The following PCDH15 variants were observed in gnomAD, a reference collection of about 807,000 sequenced individuals.
PCDH15 encodes the protein protocadherin-15.
A neutral mutation model predicts 178.5 loss-of-function variants in PCDH15; 129 were observed. The ratio of observed to expected loss-of-function variants is 0.72; its 90% CI spans 0.63 to 0.84. PCDH15 has a LOEUF of 0.84. Ranked by LOEUF, PCDH15 falls within the 40% of genes least tolerant of loss-of-function variation. The pLI, the probability that PCDH15 is intolerant of heterozygous loss-of-function variation, is 0.00. For synonymous variants in PCDH15, 800 were observed against 732.0 expected (o/e 1.09, Z -1.50); for missense variants, 2,230 against 2,099.9 (o/e 1.06, Z -1.21).
chr10:55,199,521 G>A (rs972474924), intron 1 of PCDH15, among the ~76,000 whole-genome samples: 2 of 151,908 alleles, frequency 1.3e-5, no homozygotes, highest in Admixed American at 6.6e-5. Context: ...GCCTGACCAC[G>A]TGGAAGAAAA....
At chr10:55,557,538 C>T (rs1315318259) in intron 2 of PCDH15, among the ~76,000 whole-genome samples, 7 of 152,042 alleles carry the variant, frequency 4.6e-5, no homozygotes, top group Non-Finnish European at 1.0e-4. Context: ...CTGCATGAGA[C>T]GATAGCCCCC....
intron 2 of PCDH15, among the ~76,000 whole-genome samples, chr10:55,439,412 C>T (rs796529384): frequency 5.3e-5 from 8 of 151,806 alleles, no homozygotes; most frequent in Admixed American, 1.3e-4. Flanking sequence ...TAACATTGTG[C>T]GCAAGAGCCA....
intron 1 of PCDH15, among the ~76,000 whole-genome samples, chr10:55,190,514 A>G (rs551414155): frequency 9.9e-5 from 15 of 151,868 alleles, no homozygotes; most frequent in Non-Finnish European, 1.8e-4. Flanking sequence ...GGTCAAAATA[A>G]GTGTTATTTA....
Position 55,431,766 on chromosome 10 carries a change from A to T in PCDH15, c.-156+195859T>A, listed in dbSNP as rs564905836. 7.2e-5 allele frequency among the ~76,000 whole-genome samples: 11 copies of T among 152,236 alleles called. No homozygotes were observed. The South Asian group carries it at 2.3e-3, about 32-fold the overall frequency. Reference sequence around the variant, plus strand: ...TATTTCATGTATCCAAAAAGGAATGACAATAATACTCATAAATTTGAAACC... The same window carrying T: ...TATTTCATGTATCCAAAAAGGAATGTCAATAATACTCATAAATTTGAAACC... On this transcript the variant is annotated intron_variant, in intron 2 of 5. Coordinates refer to the PCDH15 transcript ENST00000613346.
At chr10:54,612,126 A>T (rs1478660770) in intron 2 of PCDH15, among the ~76,000 whole-genome samples, 1 of 151,818 alleles carries the variant, frequency 6.6e-6, no homozygotes, top group Non-Finnish European at 1.5e-5. Context: ...TCACTTTTTA[A>T]ACAGAGTTGA....
chr10:53,924,737 C>T (rs1057226024), intron 25 of PCDH15, among the ~76,000 whole-genome samples: 2 of 152,178 alleles, frequency 1.3e-5, no homozygotes, highest in African/African-American at 4.8e-5. Flanking sequence ...TTTGTAAATG[C>T]ACCAATCAAC....
intron 2 of PCDH15, among the ~76,000 whole-genome samples, chr10:54,532,729 T>C (rs1056344877): frequency 6.6e-6 from 1 of 152,022 alleles, no homozygotes; most frequent in African/African-American, 2.4e-5. Flanking sequence ...TTGAATGACA[T>C]TGTTTCATTC....
At chr10:55,313,539 T>A (rs1193645007) in intron 1 of PCDH15, among the ~76,000 whole-genome samples, 2 of 152,210 alleles carry the variant, frequency 1.3e-5, no homozygotes, top group Non-Finnish European at 2.9e-5. Flanking sequence ...TGTAATGTTT[T>A]AAAGTTGACC....
At chr10:54,312,628 G>GA (rs1431548272) in intron 8 of PCDH15, among the ~76,000 whole-genome samples, 1 of 152,054 alleles carries the variant, frequency 6.6e-6, no homozygotes, top group Non-Finnish European at 1.5e-5. Flanking sequence ...TCAGTGGGGT[G>GA]AAAATGAAGC....
chr10:53,988,706 A>G (rs560563573), intron 21 of PCDH15, among the ~76,000 whole-genome samples: 1 of 152,284 alleles, frequency 6.6e-6, no homozygotes, highest in African/African-American at 2.4e-5. Context: ...CATTTAAGCC[A>G]TAAGGGAGGT....
intron 13 of PCDH15, among the ~76,000 whole-genome samples, chr10:54,171,335 A>T (rs1453064299): frequency 6.6e-6 from 1 of 152,180 alleles, no homozygotes; most frequent in Non-Finnish European, 1.5e-5. Flanking sequence ...ACTGGACAAT[A>T]CTTTTACCAC....
intron 25 of PCDH15, among the ~76,000 whole-genome samples, chr10:53,925,247 A>G (rs570752771): frequency 6.6e-6 from 1 of 152,248 alleles, no homozygotes; most frequent in South Asian, 2.1e-4. Context: ...TCCTGAGGCC[A>G]GCGAGACCAC....
intron 2 of PCDH15, among the ~76,000 whole-genome samples, chr10:54,985,156 A>T (rs1466879620): frequency 6.6e-6 from 1 of 152,196 alleles, no homozygotes; most frequent in Non-Finnish European, 1.5e-5. Context: ...TCTTCACTCT[A>T]ATAAATTAAT....
intron 2 of PCDH15, among the ~76,000 whole-genome samples, chr10:55,376,005 T>G (rs1314138824): frequency 6.6e-6 from 1 of 151,952 alleles, no homozygotes; most frequent in African/African-American, 2.4e-5. Flanking sequence ...CATTTTAGTT[T>G]AGGACCATAT....
At chr10:54,184,814 AG>A (rs2048341983) in intron 12 of PCDH15, among the ~76,000 whole-genome samples, 1 of 152,172 alleles carries the variant, frequency 6.6e-6, no homozygotes, top group South Asian at 2.1e-4. Context: ...ACAACAAAAA[AG>A]GTTAGGAAAT....
chr10:54,639,075 C>T (rs1001999015), intron 2 of PCDH15, among the ~76,000 whole-genome samples: 3 of 151,934 alleles, frequency 2.0e-5, no homozygotes, highest in Non-Finnish European at 2.9e-5. Flanking sequence ...TCCTGTATCC[C>T]GTAAAAAGGA....
intron 28 of PCDH15, 76 bp from the exon 29 acceptor site, chr10:53,840,572 A>G: frequency 7.4e-7 from 1 of 1,344,258 alleles, no homozygotes; most frequent in Non-Finnish European, 1.1e-6. Flanking sequence ...TAACTTGAAA[A>G]GACATTTAGT....
chr10:54,663,524 G>A (rs1389767092), intron 2 of PCDH15, among the ~76,000 whole-genome samples: 1 of 150,180 alleles, frequency 6.7e-6, no homozygotes, highest in African/African-American at 2.4e-5. Context: ...ATCTAAGACA[G>A]GCACAATTGG....
At chr10:54,088,536 A>G (rs1275200249) in intron 16 of PCDH15, among the ~76,000 whole-genome samples, 1 of 152,108 alleles carries the variant, frequency 6.6e-6, no homozygotes, top group African/African-American at 2.4e-5. Flanking sequence ...CTTGAAATAC[A>G]TTTTTAAAAA....
Sources: allele counts gnomAD v4.1 joint callset (sites outside exome capture counted in the v4.1 genomes callset), GRCh38; gene constraint gnomAD v4.1.1; transcripts MANE v1.5; gene names NCBI Gene and HGNC (gene_info 2026-07-23, HGNC 2026-07-21).